STIM1: variants seen among roughly 807,000 people sequenced by gnomAD.
The protein encoded by STIM1 is stromal interaction molecule 1.
STIM1 carries 25 observed loss-of-function variants against 74.7 expected under a neutral mutation model. That is an observed-to-expected ratio of 0.33 (90% CI 0.24 to 0.47). STIM1 has a LOEUF of 0.47. Among genes scored for constraint, STIM1 ranks in the 20% least tolerant of loss-of-function variants. The probability of loss-of-function intolerance (pLI) is 1.00; values close to 1 mark genes in which losing one functional copy is unlikely to be tolerated. For synonymous variants in STIM1, 328 were observed against 348.8 expected, an observed-to-expected ratio of 0.94 and a Z score of 0.66; for missense variants, 728 against 920.8, an observed-to-expected ratio of 0.79 and a Z score of 2.71.
At chr11:4,020,220 T>A (rs954598446) in intron 2 of STIM1, among the ~76,000 whole-genome samples, 2 of 152,194 alleles carry the variant, frequency 1.3e-5, no homozygotes, top group Non-Finnish European at 2.9e-5. Context: ...TGAGGTTGAT[T>A]CTATATCTTG....
At chr11:4,016,160 G>T (rs981600008) in intron 2 of STIM1, among the ~76,000 whole-genome samples, 1 of 152,134 alleles carries the variant, frequency 6.6e-6, no homozygotes. Context: ...TTCTGTTCTG[G>T]TTTCTCCCCA....
chr11:4,055,075 A>G (rs2094277727), intron 3 of STIM1, among the ~76,000 whole-genome samples: 4 of 152,324 alleles, frequency 2.6e-5, no homozygotes, highest in South Asian at 4.1e-4. Flanking sequence ...TGGATGGATA[A>G]TTGATTCTCA....
intron 1 of STIM1, among the ~76,000 whole-genome samples, chr11:3,931,611 C>T (rs2092860841): frequency 6.6e-6 from 1 of 152,214 alleles, no homozygotes; most frequent in Non-Finnish European, 1.5e-5. Context: ...CCTGGCTTCA[C>T]ACTTACCAGA....
At chr11:3,887,771 A>G (rs2091763920) in intron 1 of STIM1, among the ~76,000 whole-genome samples, 3 of 152,058 alleles carry the variant, frequency 2.0e-5, no homozygotes, top group South Asian at 4.1e-4. Context: ...GATTGAGACC[A>G]TCCTGGCTAA....
intron 1 of STIM1, among the ~76,000 whole-genome samples, chr11:3,916,723 A>G (rs1022267802): frequency 6.6e-6 from 1 of 152,084 alleles, no homozygotes; most frequent in Non-Finnish European, 1.5e-5. Context: ...AAGTGCTGGG[A>G]TTACAGGTGT....
chr11:3,859,332 T>C (rs1423139058), intron 1 of STIM1, among the ~76,000 whole-genome samples: 7 of 152,200 alleles, frequency 4.6e-5, no homozygotes, highest in African/African-American at 1.7e-4. Flanking sequence ...CTTTAATACC[T>C]GTACACCCAG....
At chr11:3,936,462 C>T (rs1044881472) in intron 1 of STIM1, among the ~76,000 whole-genome samples, 8 of 152,100 alleles carry the variant, frequency 5.3e-5, no homozygotes, top group African/African-American at 1.7e-4. Context: ...GTTCCAGGAC[C>T]CAAAGAAGGC....
At chr11:3,919,274 C>T (rs180768237) in intron 1 of STIM1, among the ~76,000 whole-genome samples, 271 of 152,282 alleles carry the variant, frequency 1.8e-3, no homozygotes, top group Non-Finnish European at 2.8e-3. Context: ...GGTGCGATCT[C>T]GGCTTACTGC....
intron 1 of STIM1, among the ~76,000 whole-genome samples, chr11:3,883,900 A>G (rs1565100601): frequency 6.6e-6 from 1 of 152,190 alleles, no homozygotes; most frequent in Non-Finnish European, 1.5e-5. Context: ...ATAAATATTT[A>G]AGACCCTACT....
chr11:3,876,751 T>C lies in STIM1; in HGVS notation c.139+20342T>C, dbSNP rs986288627. Among the ~76,000 whole-genome samples, 13 of 152,310 alleles carry C rather than the reference T, an allele frequency of 8.5e-5. 1 individual carries two copies. Among genetic ancestry groups the C allele is most frequent in the African/African-American group, 3.1e-4 (13 of 41,558 alleles). ...TGCCTGGTTGAAGATAAAGAAATAC[T>C]GATATCTACCTACTAAATACATGAT... On this transcript the variant is annotated intron_variant, in intron 1 of 12. Transcript: ENST00000526596.
intron 1 of STIM1, among the ~76,000 whole-genome samples, chr11:3,919,001 A>G (rs11030264): frequency 0.36 from 54,391 of 152,056 alleles, 11,821 homozygotes; most frequent in Non-Finnish European, 0.46. Flanking sequence ...GGAGGAGTCT[A>G]TAGAGCATAA....
chr11:4,015,090 A>G (rs921826747), intron 2 of STIM1, among the ~76,000 whole-genome samples: 8 of 152,184 alleles, frequency 5.3e-5, no homozygotes, highest in Admixed American at 6.5e-5. Flanking sequence ...GATCCTGTCA[A>G]TATGATGCTA....
At chr11:3,980,061 T>C (rs939512431) in intron 2 of STIM1, among the ~76,000 whole-genome samples, 4 of 152,246 alleles carry the variant, frequency 2.6e-5, no homozygotes, top group Non-Finnish European at 5.9e-5. Context: ...AGAAATTGCC[T>C]TGCTTTGTGC....
intron 3 of STIM1, among the ~76,000 whole-genome samples, chr11:4,044,093 A>AG (rs1013893618): frequency 6.8e-6 from 1 of 146,070 alleles, no homozygotes; most frequent in Non-Finnish European, 1.5e-5. Context: ...GTAGAACTCC[A>AG]GGGGTTAGCC....
At chr11:3,916,658 A>G (rs7105584) in intron 1 of STIM1, among the ~76,000 whole-genome samples, 141,348 of 152,058 alleles carry the variant, frequency 0.93, 65,722 homozygotes, top group African/African-American at 0.95. Context: ...CACTGTGTTG[A>G]CCAGGCTGGT....
chr11:4,026,693 A>C (rs960754995), intron 3 of STIM1, among the ~76,000 whole-genome samples: 1 of 152,204 alleles, frequency 6.6e-6, no homozygotes, highest in Non-Finnish European at 1.5e-5. Context: ...TTATGATTAC[A>C]ATTTTATTAT....
intron 6 of STIM1, among the ~76,000 whole-genome samples, chr11:4,073,760 C>G (rs749174930): frequency 4.6e-5 from 7 of 152,192 alleles, no homozygotes; most frequent in African/African-American, 7.2e-5. Context: ...TAACTCATGC[C>G]CTTGAGATCT....
rs182683821 is a variant in STIM1, at chr11:3,924,374, A to G, written c.140-43178A>G. Among the ~76,000 whole-genome samples, 481 of 151,522 alleles carry G rather than the reference A, an allele frequency of 3.2e-3. 3 individuals carry two copies. Among genetic ancestry groups the G allele is most frequent in the African/African-American group, 0.011 (451 of 41,292 alleles). ...CCACCACGCCCGGCTAATTTTTTGTATTTTTAGCAGAGGCGGGGTTTCACC... is the reference window on the plus strand; with the variant it reads ...CCACCACGCCCGGCTAATTTTTTGTGTTTTTAGCAGAGGCGGGGTTTCACC... On this transcript the variant is annotated intron_variant, in intron 1 of 12. Coordinates refer to ENST00000526596, the MANE Select transcript of STIM1 (RefSeq NM_001382567.1).
intron 2 of STIM1, among the ~76,000 whole-genome samples, chr11:4,015,395 G>C (rs1185721735): frequency 3.3e-5 from 5 of 152,168 alleles, no homozygotes; most frequent in Non-Finnish European, 5.9e-5. Context: ...GGCTTGTAGG[G>C]TTTCTGCCAA....
Sources: allele counts gnomAD v4.1 joint callset (sites outside exome capture counted in the v4.1 genomes callset), GRCh38; gene constraint gnomAD v4.1.1; transcripts MANE v1.5; gene names NCBI Gene and HGNC (gene_info 2026-07-23, HGNC 2026-07-21).